Variants in SIL1 observed in about 807,000 individuals in gnomAD.
SIL1 encodes SIL1 nucleotide exchange factor.
SIL1 carries 40 observed loss-of-function variants against 49.1 expected under a neutral mutation model. The observed-to-expected ratio is 0.81, with a 90% CI of 0.63 to 1.06. The LOEUF (loss-of-function observed/expected upper bound fraction) is 1.06, where lower values mean the gene tolerates loss of function less well. SIL1 is among the 50% of genes least tolerant of loss of function. The pLI is 0.00. For missense variants in SIL1, 500 were observed against 572.6 expected, an observed-to-expected ratio of 0.87 and a Z score of 1.29; for synonymous variants, 253 against 250.8, an observed-to-expected ratio of 1.01 and a Z score of -0.08.
At chr5:139,106,110 T>G (rs1264192564) in intron 3 of SIL1, among the ~76,000 whole-genome samples, 3 of 152,216 alleles carry the variant, frequency 2.0e-5, no homozygotes, top group African/African-American at 7.2e-5. Flanking sequence ...GCCAGTTATT[T>G]TTCTGCTAGT....
At chr5:139,078,945 T>C (rs1770010675) in intron 3 of SIL1, among the ~76,000 whole-genome samples, 1 of 152,244 alleles carries the variant, frequency 6.6e-6, no homozygotes, top group African/African-American at 2.4e-5. Context: ...TCTATATCTA[T>C]GCTGGCCCTT....
At chr5:139,087,136 A>G (rs925300176) in intron 3 of SIL1, among the ~76,000 whole-genome samples, 2 of 151,942 alleles carry the variant, frequency 1.3e-5, no homozygotes, top group Non-Finnish European at 1.5e-5. Flanking sequence ...CCTAGCCAAT[A>G]TATTTCTTTC....
intron 5 of SIL1, among the ~76,000 whole-genome samples, chr5:139,031,070 A>G (rs1200688532): frequency 6.6e-6 from 1 of 152,172 alleles, no homozygotes; most frequent in Non-Finnish European, 1.5e-5. Context: ...CCAGTAGTTT[A>G]TCTTCTGATC....
At chr5:139,086,523 A>AT (rs1390080346) in intron 3 of SIL1, among the ~76,000 whole-genome samples, 4 of 151,070 alleles carry the variant, frequency 2.6e-5, no homozygotes, top group Admixed American at 6.6e-5. Flanking sequence ...CACCCAGCTA[A>AT]TTTTTTTTGT....
At chr5:139,185,524 C>A (rs1265925641) in intron 1 of SIL1, among the ~76,000 whole-genome samples, 2 of 152,176 alleles carry the variant, frequency 1.3e-5, no homozygotes, top group South Asian at 2.1e-4. Context: ...GTATACATTT[C>A]ACTTAAAGTC....
At chr5:139,174,808 T>C (rs1376143448) in intron 1 of SIL1, among the ~76,000 whole-genome samples, 1 of 150,636 alleles carries the variant, frequency 6.6e-6, no homozygotes, top group Non-Finnish European at 1.5e-5. Flanking sequence ...CATCATGTTA[T>C]GTGCCTGTAA....
intron 1 of SIL1, among the ~76,000 whole-genome samples, chr5:139,190,236 G>C (rs1354383025): frequency 6.6e-6 from 1 of 152,186 alleles, no homozygotes; most frequent in African/African-American, 2.4e-5. Context: ...CACCAGATAA[G>C]GTCCACTGTT....
chr5:139,057,380 C>T (rs1386898529), intron 3 of SIL1, among the ~76,000 whole-genome samples: 1 of 151,360 alleles, frequency 6.6e-6, no homozygotes, highest in African/African-American at 2.4e-5. Context: ...GGATGAGACA[C>T]CCACGGAGAA....
intron 3 of SIL1, among the ~76,000 whole-genome samples, chr5:139,081,174 C>T (rs910209888): frequency 6.6e-6 from 1 of 152,224 alleles, no homozygotes; most frequent in Non-Finnish European, 1.5e-5. Flanking sequence ...CAGCATGCTA[C>T]AGGACACAGA....
chr5:139,052,182 C>G lies in SIL1; in HGVS notation c.245-1136G>C, dbSNP rs139981522. 3.3e-5 allele frequency among the ~76,000 whole-genome samples: 5 copies of G among 151,802 alleles called. No individual in the cohort carries two copies. In the South Asian group the frequency reaches 1.0e-3, roughly 32 times the overall value. On this transcript the variant is annotated intron_variant, in intron 3 of 9. Coordinates refer to ENST00000394817, the MANE Select transcript of SIL1 (RefSeq NM_022464.5). ...ATATAGGCAAGTATTCACCAGTTCT[C>G]GCAATTCTGGGAGGCCCATAGAGAA... is the stretch of plus-strand genomic sequence containing the variant.
At chr5:139,100,455 G>T (rs570689781) in intron 3 of SIL1, among the ~76,000 whole-genome samples, 1 of 152,306 alleles carries the variant, frequency 6.6e-6, no homozygotes, top group African/African-American at 2.4e-5. Flanking sequence ...AGCTGTGCAG[G>T]CCAAAGAAGG....
intron 1 of SIL1, among the ~76,000 whole-genome samples, chr5:139,190,963 G>A (rs1485527131): frequency 1.3e-5 from 2 of 152,102 alleles, no homozygotes; most frequent in Non-Finnish European, 2.9e-5. Context: ...CAGAGACAGT[G>A]GCTCACACCT....
intron 3 of SIL1, among the ~76,000 whole-genome samples, chr5:139,065,181 C>T (rs1324525127): frequency 6.6e-6 from 1 of 152,142 alleles, no homozygotes; most frequent in African/African-American, 2.4e-5. Context: ...GCGGGGCATC[C>T]AAACTGAGAG....
chr5:139,127,631 G>A, intron 2 of SIL1, 108 bp downstream of exon 2: 1 of 869,732 alleles, frequency 1.1e-6, no homozygotes, highest in Non-Finnish European at 1.9e-6. Flanking sequence ...ACTCACATAA[G>A]AAAGAAACAT....
chr5:139,026,100 C>A (rs1282223662), intron 6 of SIL1, among the ~76,000 whole-genome samples: 3 of 152,196 alleles, frequency 2.0e-5, no homozygotes, highest in Non-Finnish European at 4.4e-5. Flanking sequence ...CATGACTAGG[C>A]TCTAAGTTCT....
At chr5:138,993,215 C>T (rs1034679398) in intron 7 of SIL1, among the ~76,000 whole-genome samples, 4 of 152,150 alleles carry the variant, frequency 2.6e-5, no homozygotes, top group African/African-American at 9.7e-5. Context: ...TTCTATGTCG[C>T]TCCTTCCACC....
chr5:139,114,115 T>C (rs1384463409), intron 3 of SIL1, among the ~76,000 whole-genome samples: 1 of 152,194 alleles, frequency 6.6e-6, no homozygotes, highest in East Asian at 1.9e-4. Context: ...GCCTGTCCCA[T>C]CCGGGTAATG....
At chr5:139,046,181 G>T (rs1252366582) in intron 4 of SIL1, among the ~76,000 whole-genome samples, 4 of 152,188 alleles carry the variant, frequency 2.6e-5, no homozygotes, top group Non-Finnish European at 5.9e-5. Context: ...ACAAAAATTG[G>T]CTGGGTGTGG....
chr5:138,977,570 G>A (rs988984147), intron 7 of SIL1, among the ~76,000 whole-genome samples: 3 of 152,150 alleles, frequency 2.0e-5, no homozygotes, highest in East Asian at 3.9e-4. Context: ...CAAACTCTTG[G>A]ACTCAAGCAA....
Sources: allele counts gnomAD v4.1 joint callset (sites outside exome capture counted in the v4.1 genomes callset), GRCh38; gene constraint gnomAD v4.1.1; transcripts MANE v1.5; gene names NCBI Gene and HGNC (gene_info 2026-07-23, HGNC 2026-07-21).